Variants in GPC3 observed in about 807,000 individuals in gnomAD.
GPC3 encodes the protein glypican 3.
In GPC3, 3 loss-of-function variants were observed where a neutral mutation model predicts 34.4. The observed-to-expected ratio is 0.09, with a 90% CI of 0.04 to 0.23. The LOEUF (loss-of-function observed/expected upper bound fraction) is 0.23, where lower values mean the gene tolerates loss of function less well. GPC3 is among the 10% of genes least tolerant of loss of function. The pLI, the probability that GPC3 is intolerant of heterozygous loss-of-function variation, is 1.00. For synonymous variants in GPC3, 177 were observed against 174.0 expected (o/e 1.02, Z -0.13); for missense variants, 351 against 445.6 (o/e 0.79, Z 1.91).
intron 2 of GPC3, among the ~76,000 whole-genome samples, chrX:133,843,402 T>G (rs1315167901): frequency 9.0e-6 from 1 of 111,456 alleles, no homozygotes; most frequent in Non-Finnish European, 1.9e-5. Flanking sequence ...TTGTTCCCAC[T>G]TTTGCCATGT....
chrX:133,695,646 A>T (rs2071109026), intron 4 of GPC3, among the ~76,000 whole-genome samples: 1 of 112,159 alleles, frequency 8.9e-6, no homozygotes, highest in Admixed American at 9.4e-5. Flanking sequence ...CTGCAGCTTC[A>T]GTGCCGCACC....
At chrX:133,705,048 A>G (rs7058452) in intron 3 of GPC3, among the ~76,000 whole-genome samples, 7,423 of 111,440 alleles carry the variant, frequency 0.067, 647 homozygotes, top group African/African-American at 0.23. Flanking sequence ...AGCCTGTATC[A>G]AAAGCTTCTC....
chrX:133,713,462 C>T (rs2071288863), intron 3 of GPC3, among the ~76,000 whole-genome samples: 1 of 112,122 alleles, frequency 8.9e-6, no homozygotes, highest in Admixed American at 9.5e-5. Context: ...ATCAAATCTT[C>T]ACCCTTGACT....
At chrX:133,863,679 C>T (rs1291467013) in intron 2 of GPC3, among the ~76,000 whole-genome samples, 1 of 56,692 alleles carries the variant, frequency 1.8e-5, no homozygotes, top group African/African-American at 1.4e-4. Context: ...GACGGAGTCT[C>T]GCTCTGTCGC....
At chrX:133,735,902 G>A (rs1000638001) in intron 3 of GPC3, among the ~76,000 whole-genome samples, 6 of 108,648 alleles carry the variant, frequency 5.5e-5, no homozygotes, top group African/African-American at 2.0e-4. Flanking sequence ...GTTTGAGGCT[G>A]CAGTGAGATG....
intron 2 of GPC3, among the ~76,000 whole-genome samples, chrX:133,869,729 C>G (rs898064696): frequency 8.9e-6 from 1 of 111,823 alleles, no homozygotes; most frequent in East Asian, 2.8e-4. Context: ...CGGCACATCA[C>G]GAGGTCAGGA....
At chrX:133,762,986 C>T in intron 2 of GPC3, 1 of 692,637 alleles carries the variant, frequency 1.4e-6, no homozygotes, top group Non-Finnish European at 2.3e-6. Flanking sequence ...GCAGCTCGTA[C>T]CATTGTTGCC....
chrX:133,882,956 C>T (rs2076048339), intron 2 of GPC3, among the ~76,000 whole-genome samples: 2 of 110,966 alleles, frequency 1.8e-5, no homozygotes, highest in African/African-American at 6.6e-5. Flanking sequence ...CCATCTTGTG[C>T]TCAAATAGGC....
At chrX:133,805,887 T>C (rs2075633055) in intron 2 of GPC3, among the ~76,000 whole-genome samples, 1 of 112,229 alleles carries the variant, frequency 8.9e-6, no homozygotes, top group Non-Finnish European at 1.9e-5. Context: ...TGTTTAAAAG[T>C]ATTTGATCGA....
chrX:133,644,762 G>T (rs1569404401), intron 6 of GPC3, among the ~76,000 whole-genome samples: 1 of 111,293 alleles, frequency 9.0e-6, no homozygotes, highest in Non-Finnish European at 1.9e-5. Flanking sequence ...CTTAAATGCT[G>T]CAGGGATTCT....
intron 2 of GPC3, among the ~76,000 whole-genome samples, chrX:133,916,093 C>T (rs1256915885): frequency 1.3e-4 from 13 of 101,947 alleles, no homozygotes; most frequent in Non-Finnish European, 1.8e-4. Flanking sequence ...TGCAGTAAGC[C>T]GAGATCACAC....
intron 2 of GPC3, among the ~76,000 whole-genome samples, chrX:133,924,989 G>C (rs1394136359): frequency 9.2e-6 from 1 of 109,233 alleles, no homozygotes; most frequent in African/African-American, 3.3e-5. Flanking sequence ...TTTGAGCCTA[G>C]GAGGCAGAGG....
intron 2 of GPC3, among the ~76,000 whole-genome samples, chrX:133,913,374 G>A (rs748428473): frequency 2.7e-5 from 3 of 112,789 alleles, no homozygotes; most frequent in Non-Finnish European, 5.6e-5. Context: ...TTAGCAAAAA[G>A]TCAGTTGCTG....
chrX:133,890,142 TTAA>T (rs1044811726), intron 2 of GPC3, among the ~76,000 whole-genome samples: 3 of 111,432 alleles, frequency 2.7e-5, no homozygotes, highest in African/African-American at 6.5e-5. Flanking sequence ...GTTTTATCAC[TTAA>T]TAATAAGTTG....
chrX:133,764,694 C>T (rs1455174572), intron 2 of GPC3, among the ~76,000 whole-genome samples: 1 of 111,909 alleles, frequency 8.9e-6, no homozygotes, highest in African/African-American at 3.2e-5. Flanking sequence ...ACTTTAAGAA[C>T]AGTTTGTCTT....
At chrX:133,667,197 TGTG>T (rs1286430460) in intron 5 of GPC3, among the ~76,000 whole-genome samples, 3 of 112,332 alleles carry the variant, frequency 2.7e-5, no homozygotes, top group African/African-American at 9.7e-5. Context: ...TCTTTATTTT[TGTG>T]GTGAGAACAT....
intron 2 of GPC3, among the ~76,000 whole-genome samples, chrX:133,949,181 C>T (rs1273553784): frequency 8.9e-6 from 1 of 112,163 alleles, no homozygotes; most frequent in African/African-American, 3.2e-5. Flanking sequence ...GTGTTTCTTT[C>T]GCTGATCTTA....
intron 6 of GPC3, among the ~76,000 whole-genome samples, chrX:133,642,908 T>C (rs1385784847): frequency 9.0e-6 from 1 of 111,594 alleles, no homozygotes; most frequent in Non-Finnish European, 1.9e-5. Flanking sequence ...GGTATCCCCT[T>C]GAACTTGAAA....
chrX:133,652,266 T>C (rs967692249), intron 6 of GPC3, among the ~76,000 whole-genome samples: 1 of 111,897 alleles, frequency 8.9e-6, no homozygotes, highest in Non-Finnish European at 1.9e-5. Context: ...TGAATGTAAC[T>C]AACCTGAACT....
Sources: allele counts gnomAD v4.1 joint callset (sites outside exome capture counted in the v4.1 genomes callset), GRCh38; gene constraint gnomAD v4.1.1; transcripts MANE v1.5; gene names NCBI Gene and HGNC (gene_info 2026-07-23, HGNC 2026-07-21).